ROBO2: variants seen among roughly 807,000 people sequenced by gnomAD.
The protein encoded by ROBO2 is roundabout guidance receptor 2, also known as roundabout homolog 2.
A neutral mutation model predicts 160.8 loss-of-function variants in ROBO2; 53 were observed. The observed-to-expected ratio is 0.33, with a 90% CI of 0.26 to 0.41. The LOEUF is 0.41. Ranked by LOEUF, ROBO2 falls within the 10% of genes least tolerant of loss-of-function variation. ROBO2 has a pLI of 1.00. For synonymous variants in ROBO2, 664 were observed against 611.7 expected (o/e 1.09, Z -1.26); for missense variants, 1,577 against 1,722.4 (o/e 0.92, Z 1.49).
chr3:77,429,609 AG>A (rs1398703828), intron 2 of ROBO2, among the ~76,000 whole-genome samples: 1 of 101,756 alleles, frequency 9.8e-6, no homozygotes, highest in Non-Finnish European at 2.1e-5. Context: ...TGTAAAAAGC[AG>A]GGTTTTTTTT....
At chr3:77,593,173 C>G (rs1403811640) in intron 17 of ROBO2, among the ~76,000 whole-genome samples, 3 of 151,076 alleles carry the variant, frequency 2.0e-5, no homozygotes, top group Non-Finnish European at 4.4e-5. Flanking sequence ...ATTATCTTAA[C>G]TCTCTTTTAA....
chr3:76,928,064 T>A (rs916181996), intron 2 of ROBO2, among the ~76,000 whole-genome samples: 9 of 152,188 alleles, frequency 5.9e-5, no homozygotes, highest in Admixed American at 3.9e-4. Context: ...CAAAGAGCAA[T>A]TAAGGTTACA....
intron 2 of ROBO2, among the ~76,000 whole-genome samples, chr3:76,353,741 G>C (rs2075007822): frequency 6.6e-6 from 1 of 151,896 alleles, no homozygotes; most frequent in South Asian, 2.1e-4. Flanking sequence ...GTGTTTATTG[G>C]ATGGGTTCAG....
intron 2 of ROBO2, among the ~76,000 whole-genome samples, chr3:75,985,370 C>T (rs2065387454): frequency 6.6e-6 from 1 of 151,474 alleles, no homozygotes; most frequent in Non-Finnish European, 1.5e-5. Context: ...ACATTCTGTC[C>T]ATAGGTTACA....
intron 2 of ROBO2, among the ~76,000 whole-genome samples, chr3:76,011,119 C>A (rs1426003260): frequency 6.6e-6 from 1 of 152,172 alleles, no homozygotes; most frequent in Non-Finnish European, 1.5e-5. Flanking sequence ...CCATATCCCT[C>A]CCTTTCCTAC....
At chr3:76,964,907 GC>G (rs2079959223) in intron 2 of ROBO2, among the ~76,000 whole-genome samples, 1 of 152,166 alleles carries the variant, frequency 6.6e-6, no homozygotes, top group Admixed American at 6.5e-5. Flanking sequence ...TTATTAGCTT[GC>G]CTCTTCAATG....
At chr3:76,515,487 C>T (rs78366970) in intron 2 of ROBO2, among the ~76,000 whole-genome samples, 9,753 of 147,770 alleles carry the variant, frequency 0.066, 571 homozygotes, top group East Asian at 0.23. Flanking sequence ...ATTTCTTACA[C>T]GCCTGCAAGG....
Position 77,562,769 on chromosome 3 carries a change from CT to C in ROBO2, c.1519+41del, listed in dbSNP as rs763800445. ...GTGAATTAGGAGAAATCTTGGGCCC[CT>C]TTTCTGATAGCTCAATATCAAATAA... On this transcript the variant is annotated intron_variant, in intron 10 of 25. Transcript: ENST00000461745. 8 of 1,396,358 alleles carry C rather than the reference CT, an allele frequency of 5.7e-6. No homozygotes were observed. In the South Asian group the frequency reaches 9.3e-5, roughly 16 times the overall value. 86.5% of individuals were successfully genotyped at this position (1,396,358 alleles called of 1,614,324 possible).
At chr3:76,632,392 G>A (rs539038350) in intron 2 of ROBO2, among the ~76,000 whole-genome samples, 8 of 152,156 alleles carry the variant, frequency 5.3e-5, no homozygotes, top group African/African-American at 1.7e-4. Context: ...TCAAGGAAGG[G>A]TCTCAAGCCT....
chr3:76,465,054 A>ATTCC (rs1280223210), intron 2 of ROBO2, among the ~76,000 whole-genome samples: 3 of 152,254 alleles, frequency 2.0e-5, no homozygotes, highest in Middle Eastern at 3.4e-3. Flanking sequence ...AAGTACATGA[A>ATTCC]TTCCTAATGC....
At chr3:76,089,338 G>T (rs576888353) in intron 2 of ROBO2, among the ~76,000 whole-genome samples, 2 of 151,840 alleles carry the variant, frequency 1.3e-5, no homozygotes, top group Non-Finnish European at 2.9e-5. Context: ...CATTGTTTGA[G>T]GCCAGCTTTA....
intron 2 of ROBO2, among the ~76,000 whole-genome samples, chr3:77,180,295 TAAC>T (rs991620254): frequency 7.9e-5 from 12 of 151,460 alleles, no homozygotes; most frequent in Non-Finnish European, 1.6e-4. Flanking sequence ...AGGAAAAGTT[TAAC>T]AACAACAAAA....
At chr3:77,296,766 A>G (rs1198832081) in intron 2 of ROBO2, among the ~76,000 whole-genome samples, 1 of 152,132 alleles carries the variant, frequency 6.6e-6, no homozygotes, top group East Asian at 1.9e-4. Context: ...CTGCAGGACA[A>G]AAGAGGAGGG....
At chr3:76,248,693 A>G (rs1436097994) in intron 2 of ROBO2, among the ~76,000 whole-genome samples, 2 of 151,898 alleles carry the variant, frequency 1.3e-5, no homozygotes, top group Non-Finnish European at 2.9e-5. Context: ...CCAGACTTTC[A>G]TAATCTAAAA....
At chr3:76,487,255 C>A (rs1426323930) in intron 2 of ROBO2, among the ~76,000 whole-genome samples, 1 of 151,686 alleles carries the variant, frequency 6.6e-6, no homozygotes, top group African/African-American at 2.4e-5. Flanking sequence ...GCAGGGATTA[C>A]AGGAGTGAGC....
chr3:76,173,705 A>G (rs1415069922), intron 2 of ROBO2, among the ~76,000 whole-genome samples: 1 of 151,930 alleles, frequency 6.6e-6, no homozygotes, highest in East Asian at 1.9e-4. Flanking sequence ...TTCTTTTTTT[A>G]TGGCTGCATA....
At chr3:77,332,356 G>C (rs574793169) in intron 2 of ROBO2, among the ~76,000 whole-genome samples, 4 of 152,142 alleles carry the variant, frequency 2.6e-5, no homozygotes, top group South Asian at 2.1e-4. Context: ...GCTGGTGTTC[G>C]TGTGTCTTCA....
chr3:76,312,660 C>T (rs544428708), intron 2 of ROBO2, among the ~76,000 whole-genome samples: 1 of 152,294 alleles, frequency 6.6e-6, no homozygotes, highest in East Asian at 1.9e-4. Context: ...TTATGTTAGC[C>T]TGCATGCTGG....
intron 2 of ROBO2, among the ~76,000 whole-genome samples, chr3:76,947,389 A>C (rs903160288): frequency 1.3e-5 from 2 of 152,156 alleles, no homozygotes; most frequent in African/African-American, 4.8e-5. Context: ...ACATTGCAGC[A>C]AAATCTGTAC....
Sources: allele counts gnomAD v4.1 joint callset (sites outside exome capture counted in the v4.1 genomes callset), GRCh38; gene constraint gnomAD v4.1.1; transcripts MANE v1.5; gene names NCBI Gene and HGNC (gene_info 2026-07-23, HGNC 2026-07-21).